The following RAB19 variants were observed in gnomAD, a reference collection of about 807,000 sequenced individuals.
RAB19 encodes ras-related protein Rab-19.
In RAB19, 21 loss-of-function variants were observed where a neutral mutation model predicts 17.3. The ratio of observed to expected loss-of-function variants is 1.21; its 90% CI spans 0.86 to 1.74. The LOEUF is 1.74. Among genes scored for constraint, RAB19 ranks in the 40% most tolerant of loss-of-function variants. The pLI, the probability that RAB19 is intolerant of heterozygous loss-of-function variation, is 0.00. For synonymous variants in RAB19, 126 were observed against 110.4 expected, an observed-to-expected ratio of 1.14 and a Z score of -0.88; for missense variants, 277 against 286.8, an observed-to-expected ratio of 0.97 and a Z score of 0.25.
chr7:140,416,434 A>C (rs1326316367), intron 3 of RAB19, among the ~76,000 whole-genome samples: 2 of 152,226 alleles, frequency 1.3e-5, no homozygotes, highest in East Asian at 3.8e-4. Context: ...ACAGCTGCCC[A>C]GGAGTGGAGT....
intron 3 of RAB19, among the ~76,000 whole-genome samples, chr7:140,422,255 G>C (rs981995823): frequency 1.3e-5 from 2 of 152,090 alleles, no homozygotes; most frequent in African/African-American, 4.8e-5. Context: ...TGGGCGTCGT[G>C]GTGGGTGCCT....
Position 140,407,714 on chromosome 7 carries a change from T to A in RAB19, c.68T>A (p.Ile23Asn), listed in dbSNP as rs140181115. The stretch of plus-strand genomic sequence containing the variant: ...GACTATTTGTTCAAGATTATCCTCA[T>A]TGGGGATTCCAATGTGGGGAAGACG... ...NFDYLFKIIL[I>N]GDSNVGKTCV... Residue 23 changes from isoleucine (I) to asparagine (N), a missense_variant, in exon 2 of 4, where the codon ATT (isoleucine) becomes AAT (asparagine). By Grantham distance (149) the Ile-to-Asn change is moderately radical. Transcript: ENST00000537763. The A allele has an allele frequency of 6.2e-7, 1 of 1,613,954 alleles. No individual in the cohort carries two copies. Among genetic ancestry groups the A allele is most frequent in the African/African-American group, 1.3e-5 (1 of 74,886 alleles).
At position 140,407,713 on chromosome 7, in the gene RAB19, A is replaced by G. The variant is rs767923063; in HGVS notation, c.67A>G (p.Ile23Val). Reference protein sequence around the residue: ...NFDYLFKIILIGDSNVGKTCV... With the variant: ...NFDYLFKIILVGDSNVGKTCV... ...TGACTATTTGTTCAAGATTATCCTC[A>G]TTGGGGATTCCAATGTGGGGAAGAC... Residue 23 changes from isoleucine to valine, a missense_variant, in exon 2 of 4, where the codon ATT becomes GTT. Transcript: ENST00000537763. 1 of 1,614,046 alleles carries G rather than the reference A, an allele frequency of 6.2e-7. No homozygotes were observed. Among genetic ancestry groups the G allele is most frequent in the South Asian group, 1.1e-5 (1 of 91,080 alleles).
At chr7:140,415,730 AT>A (rs545999559) in intron 3 of RAB19, among the ~76,000 whole-genome samples, 85 of 151,394 alleles carry the variant, frequency 5.6e-4, no homozygotes, top group Middle Eastern at 6.8e-3. Context: ...AGGCGGGCGG[AT>A]TATTTTGTAA....
rs561176161 is a variant in RAB19 at position 140,427,559 on chromosome 7, C to A, written c.*1409C>A. ...TTCTGCCTTCCAGATTCAAGTGATT[C>A]TCCTGCCTCAACCTCCCTAGTAGCT... On this transcript the variant is annotated 3_prime_UTR_variant, in exon 4 of 4. Coordinates refer to ENST00000537763, the MANE Select transcript of RAB19 (RefSeq NM_001008749.3). Among the ~76,000 whole-genome samples, 344 of 150,046 alleles carry A rather than the reference C, an allele frequency of 2.3e-3. 1 individual carries two copies. The highest frequency in any genetic ancestry group is 8.1e-3 in the African/African-American group (329 of 40,800).
rs115114752 is a variant in RAB19, at chr7:140,407,739, G to A, written c.93G>A (p.Thr31=). The A allele has an allele frequency of 5.0e-5, 80 of 1,614,034 alleles. 1 individual carries two copies. The highest frequency in any genetic ancestry group is 4.4e-4 in the South Asian group (40 of 91,084). ...TTGGGGATTCCAATGTGGGGAAGAC[G>A]TGTGTGGTGCAGCATTTCAAGTCTG... ...ILIGDSNVGK[T]CVVQHFKSGV... is the part of the protein sequence containing the mutation. The change falls in exon 2 of 4, where the codon ACG becomes ACA. Residue 31 remains threonine (T), a synonymous_variant. Coordinates refer to ENST00000537763, the MANE Select transcript of RAB19 (RefSeq NM_001008749.3).
At chr7:140,408,696 G>A (rs1043512745) in intron 2 of RAB19, among the ~76,000 whole-genome samples, 8 of 151,802 alleles carry the variant, frequency 5.3e-5, no homozygotes, top group East Asian at 1.9e-4. Flanking sequence ...GACTGGTCTC[G>A]AACTCCTGAC....
intron 3 of RAB19, among the ~76,000 whole-genome samples, chr7:140,425,590 G>A (rs1038162746): frequency 6.6e-6 from 1 of 151,996 alleles, no homozygotes; most frequent in Non-Finnish European, 1.5e-5. Flanking sequence ...CGGGCGTGGT[G>A]GCAGGTGCCT....
chr7:140,423,981 G>T (rs1469187353), intron 3 of RAB19, among the ~76,000 whole-genome samples: 1 of 151,870 alleles, frequency 6.6e-6, no homozygotes, highest in Non-Finnish European at 1.5e-5. Flanking sequence ...AGCCTCCTGA[G>T]TAGCTGGGAT....
At position 140,412,015 on chromosome 7, in the gene RAB19, A is replaced by G. The variant is rs762778683; in HGVS notation, c.343A>G (p.Ile115Val). 2 of 1,613,768 alleles carry G rather than the reference A, an allele frequency of 1.2e-6. No homozygotes were observed. The change falls in exon 3 of 4, where the codon ATA becomes GTA. Residue 115 changes from isoleucine to valine, a missense_variant. By Grantham distance (29) the Ile-to-Val change is conservative (BLOSUM62 3). Coordinates refer to ENST00000537763, the MANE Select transcript of RAB19 (RefSeq NM_001008749.3). ...GTCCATCCCTCACTGGATTCATGAG[A>G]TAGAGAAATATGGAGCTGCAAATGT... ...FESIPHWIHE[I>V]EKYGAANVVI...
intron 3 of RAB19, among the ~76,000 whole-genome samples, chr7:140,417,413 A>G (rs1276253680): frequency 6.6e-6 from 1 of 151,560 alleles, no homozygotes; most frequent in East Asian, 1.9e-4. Flanking sequence ...TAAAAAAAAA[A>G]AAAAAATCAA....
intron 2 of RAB19, among the ~76,000 whole-genome samples, chr7:140,408,626 C>T (rs1799293741): frequency 6.6e-6 from 1 of 152,070 alleles, no homozygotes; most frequent in Admixed American, 6.6e-5. Flanking sequence ...CAGGTGCACA[C>T]CACCACACCG....
intron 3 of RAB19, among the ~76,000 whole-genome samples, chr7:140,422,682 G>A (rs1166394154): frequency 6.6e-6 from 1 of 151,840 alleles, no homozygotes; most frequent in East Asian, 1.9e-4. Flanking sequence ...CATGGGTGGC[G>A]GTGCATGTCT....
chr7:140,424,289 C>G (rs1267638302), intron 3 of RAB19, among the ~76,000 whole-genome samples: 1 of 151,870 alleles, frequency 6.6e-6, no homozygotes, highest in Non-Finnish European at 1.5e-5. Context: ...TCCCAAGTAG[C>G]TGGGACTACA....
At chr7:140,424,652 T>C (rs1379247060) in intron 3 of RAB19, among the ~76,000 whole-genome samples, 1 of 119,656 alleles carries the variant, frequency 8.4e-6, no homozygotes, top group African/African-American at 4.1e-5. Context: ...TGTGTGTGTA[T>C]ATATGTGTGT....
chr7:140,416,916 C>G (rs1434465559), intron 3 of RAB19, among the ~76,000 whole-genome samples: 1 of 151,942 alleles, frequency 6.6e-6, no homozygotes, highest in Non-Finnish European at 1.5e-5. Context: ...ATAGTGAGAC[C>G]TCCGTCTCTA....
chr7:140,423,509 G>A (rs563303375), intron 3 of RAB19, among the ~76,000 whole-genome samples: 200 of 151,628 alleles, frequency 1.3e-3, no homozygotes, highest in Non-Finnish European at 1.9e-3. Context: ...AAAACTACTA[G>A]TGGTATACAG....
chr7:140,405,040 T>C (rs1394747641), intron 1 of RAB19, among the ~76,000 whole-genome samples: 1 of 152,098 alleles, frequency 6.6e-6, no homozygotes, highest in Non-Finnish European at 1.5e-5. Flanking sequence ...TATTTAAGCA[T>C]AGGTGGACAT....
intron 3 of RAB19, among the ~76,000 whole-genome samples, chr7:140,414,067 C>T (rs868367136): frequency 2.0e-5 from 3 of 152,026 alleles, no homozygotes; most frequent in Admixed American, 6.6e-5. Flanking sequence ...TTTTTTGAGA[C>T]GGAGTCTTAC....
Sources: allele counts gnomAD v4.1 joint callset (sites outside exome capture counted in the v4.1 genomes callset), GRCh38; gene constraint gnomAD v4.1.1; transcripts MANE v1.5; gene names NCBI Gene and HGNC (gene_info 2026-07-23, HGNC 2026-07-21).